The following CBR4 variants were observed in gnomAD, a reference collection of about 807,000 sequenced individuals.
The protein encoded by CBR4 is 3-oxoacyl-[acyl-carrier-protein] reductase.
In CBR4, 22 loss-of-function variants were observed where a neutral mutation model predicts 21.0. The ratio of observed to expected loss-of-function variants is 1.05; its 90% confidence interval spans 0.75 to 1.50. The LOEUF (loss-of-function observed/expected upper bound fraction) is 1.50. Ranked by LOEUF, CBR4 falls within the 40% of genes most tolerant of loss-of-function variation. CBR4 has a pLI of 0.00. For missense variants in CBR4, 302 were observed against 286.3 expected, an observed-to-expected ratio of 1.05 and a Z score of -0.40; for synonymous variants, 100 against 104.4, an observed-to-expected ratio of 0.96 and a Z score of 0.26.
intron 4 of CBR4, chr4:169,001,187 G>T (rs1307084362): frequency 6.9e-6 from 1 of 145,852 alleles, no homozygotes; most frequent in Non-Finnish European, 1.5e-5. Flanking sequence ...ACAGCATCTT[G>T]CTATGTTGCT....
At chr4:168,897,744 T>C (rs542934978) in intron 2 of CBR4, among the ~76,000 whole-genome samples, 3 of 152,206 alleles carry the variant, frequency 2.0e-5, no homozygotes, top group African/African-American at 7.2e-5. Flanking sequence ...TGAGCCACTG[T>C]ACCTGGCCTT....
At chr4:169,009,283 A>AT (rs1339530220) in intron 1 of CBR4, among the ~76,000 whole-genome samples, 1 of 152,254 alleles carries the variant, frequency 6.6e-6, no homozygotes, top group African/African-American at 2.4e-5. Context: ...TAAGCCGGAA[A>AT]TAAAAAACCC....
chr4:168,916,915 C>T (rs1460303457), intron 2 of CBR4, among the ~76,000 whole-genome samples: 3 of 151,956 alleles, frequency 2.0e-5, no homozygotes, highest in Admixed American at 2.0e-4. Flanking sequence ...ATGATCCGCC[C>T]ACCTCAGCCT....
At chr4:168,997,248 T>C (rs780342060) in intron 4 of CBR4, among the ~76,000 whole-genome samples, 20 of 152,206 alleles carry the variant, frequency 1.3e-4, no homozygotes, top group Admixed American at 8.5e-4. Flanking sequence ...TTATCACTTC[T>C]TAACTCGACG....
chr4:168,996,597 A>C lies in CBR4; in HGVS notation c.535+5474T>G, dbSNP rs1336857001. ...TTTTGTCTTCACAAGCTAAGGGTTC[A>C]CTCTTTAGACTGTACAGTTCTACAG... is the stretch of plus-strand genomic sequence containing the variant. On this transcript the variant is annotated intron_variant, in intron 4 of 4. Transcript: ENST00000306193. 2.6e-5 allele frequency among the ~76,000 whole-genome samples: 4 copies of C among 152,020 alleles called. No homozygotes were observed. In the East Asian group the frequency reaches 7.7e-4, roughly 29 times the overall value.
chr4:168,901,482 A>T (rs1183767887), intron 2 of CBR4, among the ~76,000 whole-genome samples: 1 of 152,228 alleles, frequency 6.6e-6, no homozygotes, highest in East Asian at 1.9e-4. Flanking sequence ...GATTAAAGAA[A>T]TAACTCAAGA....
At chr4:168,954,173 A>G (rs1042373349) in intron 2 of CBR4, among the ~76,000 whole-genome samples, 3 of 152,236 alleles carry the variant, frequency 2.0e-5, no homozygotes, top group Admixed American at 2.0e-4. Flanking sequence ...GCATTTCCAG[A>G]GGCAAATACA....
chr4:168,981,398 C>CA (rs1409904323), intron 2 of CBR4, among the ~76,000 whole-genome samples: 4 of 151,464 alleles, frequency 2.6e-5, no homozygotes, highest in Non-Finnish European at 5.9e-5. Context: ...GACTCAGTCT[C>CA]AAAAAAATAA....
At chr4:168,904,193 C>A in intron 2 of CBR4, 2 of 390,202 alleles carry the variant, frequency 5.1e-6, no homozygotes, top group South Asian at 5.9e-5. Context: ...GTAGACTGGA[C>A]AAAGTCCTAT....
In CBR4 at chr4:168,951,202, G is replaced by A. The variant is rs546578291; in HGVS notation, n.169+50869C>T. Among the ~76,000 whole-genome samples the A allele has an allele frequency of 5.3e-4, 80 of 152,192 alleles. No individual in the cohort carries two copies. In the Middle Eastern group the frequency reaches 0.014, roughly 26 times the overall value. Reference sequence around the variant, plus strand: ...GCCTCCTAAGTAGCTGGGATTACAGGCACCCACCACCACGCACAGCTAATT... The same window carrying A: ...GCCTCCTAAGTAGCTGGGATTACAGACACCCACCACCACGCACAGCTAATT... On this transcript the variant is annotated intron_variant and non_coding_transcript_variant, in intron 2 of 3. Coordinates refer to the CBR4 transcript ENST00000509108.
At chr4:168,925,350 TG>T in intron 2 of CBR4, 1 of 1,161,408 alleles carries the variant, frequency 8.6e-7, no homozygotes, top group Non-Finnish European at 1.3e-6. Context: ...TAGTTAGTTG[TG>T]GCTTCCTTAC....
At chr4:168,924,046 T>A (rs768206722) in intron 2 of CBR4, among the ~76,000 whole-genome samples, 1 of 152,120 alleles carries the variant, frequency 6.6e-6, no homozygotes, top group Non-Finnish European at 1.5e-5. Flanking sequence ...CAGACTTGAA[T>A]TAATTGAGGA....
chr4:169,002,294 A>G (rs892963129), intron 3 of CBR4, 89 bp from the exon 4 acceptor site: 2 of 1,249,612 alleles, frequency 1.6e-6, no homozygotes, highest in Non-Finnish European at 1.0e-6. Flanking sequence ...TATAGTAAAC[A>G]AAAAGGTAAA....
At chr4:168,956,883 T>C (rs1393159701) in intron 2 of CBR4, among the ~76,000 whole-genome samples, 4 of 152,152 alleles carry the variant, frequency 2.6e-5, no homozygotes, top group Non-Finnish European at 5.9e-5. Flanking sequence ...TGAAACCCTA[T>C]ACTGAGATGT....
Position 168,988,166 on chromosome 4 carries a change from T to C in CBR4, c.*1984A>G. The C allele has an allele frequency of 1.0e-6, 1 of 985,390 alleles. No individual in the cohort carries two copies. Among genetic ancestry groups the C allele is most frequent in the Non-Finnish European group, 1.2e-6 (1 of 829,876 alleles). 61.0% of individuals were successfully genotyped at this position (985,390 alleles called of 1,614,324 possible). A position where few individuals can be genotyped will look rare whatever the true frequency, so the allele number is the denominator to read the frequency against. ...AAGGTAAGTATTAAATTACAAATTC[T>C]ACTAGGTCAGTGGGAGTGGGCGGAT... On this transcript the variant is annotated 3_prime_UTR_variant, in exon 5 of 5. Transcript: ENST00000306193.
At chr4:168,958,409 A>T (rs183904782) in intron 2 of CBR4, among the ~76,000 whole-genome samples, 1 of 152,298 alleles carries the variant, frequency 6.6e-6, no homozygotes, top group South Asian at 2.1e-4. Flanking sequence ...GTTGTTTTGT[A>T]TTCCTAAGTA....
intron 2 of CBR4, chr4:168,913,998 C>A: frequency 6.2e-7 from 1 of 1,608,430 alleles, no homozygotes; most frequent in Non-Finnish European, 8.5e-7. Context: ...CCCGGTCTCC[C>A]TCAGGCCATC....
At chr4:168,974,336 TGA>T (rs2126765433) in intron 2 of CBR4, among the ~76,000 whole-genome samples, 1 of 152,274 alleles carries the variant, frequency 6.6e-6, no homozygotes, top group East Asian at 1.9e-4. Flanking sequence ...TCACAGCTCT[TGA>T]GATTCTTTAC....
chr4:168,908,632 G>C (rs1038153349), intron 2 of CBR4, among the ~76,000 whole-genome samples: 1 of 152,002 alleles, frequency 6.6e-6, no homozygotes, highest in Non-Finnish European at 1.5e-5. Flanking sequence ...AAATTTTAAA[G>C]TTATTTGAGT....
Sources: allele counts gnomAD v4.1 joint callset (sites outside exome capture counted in the v4.1 genomes callset), GRCh38; gene constraint gnomAD v4.1.1; transcripts MANE v1.5; gene names NCBI Gene and HGNC (gene_info 2026-07-23, HGNC 2026-07-21).